The following ATAD3B variants were observed in gnomAD, a reference collection of about 807,000 sequenced individuals.
ATAD3B encodes the protein ATPase family AAA domain containing 3B.
Under a neutral mutation model 70.2 loss-of-function variants are expected in ATAD3B, and 59 were observed. The observed-to-expected ratio is 0.84, with a 90% confidence interval of 0.68 to 1.04. The LOEUF (loss-of-function observed/expected upper bound fraction) is 1.04. Among genes scored for constraint, ATAD3B ranks in the 50% least tolerant of loss-of-function variants. The pLI is 0.00. For synonymous variants in ATAD3B, 423 were observed against 388.6 expected, an observed-to-expected ratio of 1.09 and a Z score of -1.04; for missense variants, 961 against 913.4, an observed-to-expected ratio of 1.05 and a Z score of -0.67.
chr1:1,500,896 A>T (rs867723534), downstream of ATAD3B, among the ~76,000 whole-genome samples: 1 of 151,436 alleles, frequency 6.6e-6, no homozygotes, highest in Non-Finnish European at 1.5e-5. Context: ...GGCGGAGCTT[A>T]CAGTGAGCCG....
intron 4 of ATAD3B, among the ~76,000 whole-genome samples, chr1:1,479,998 A>C (rs1570215324): frequency 7.3e-6 from 1 of 136,632 alleles, no homozygotes; most frequent in South Asian, 2.4e-4. Context: ...ACACACGCAC[A>C]CCCCCTCACA....
rs1456567821 is a variant in ATAD3B at position 1,477,364 on chromosome 1, G to T, written c.282+14G>T. 3.7e-6 allele frequency: 6 copies of T among 1,611,892 alleles called. No homozygotes were observed. In the South Asian group the frequency reaches 6.6e-5, roughly 18 times the overall value. The stretch of plus-strand genomic sequence containing the variant: ...TCCAAGCTCAAAGTGAGTGGGGCCG[G>T]TGTGGGCGAGGAGGCCGGGGCGCAC... On this transcript the variant is annotated intron_variant, in intron 2 of 15. Coordinates refer to ENST00000673477, the MANE Select transcript of ATAD3B (RefSeq NM_031921.6).
chr1:1,486,762 T>C, intron 11 of ATAD3B, 94 bp downstream of exon 11: 3 of 1,483,586 alleles, frequency 2.0e-6, no homozygotes, highest in Non-Finnish European at 1.8e-6. Flanking sequence ...GGGGACCCTG[T>C]CTTTCTGCAG....
intron 7 of ATAD3B, 165 bp from the exon 8 acceptor site, chr1:1,484,851 T>C: frequency 7.1e-7 from 1 of 1,411,552 alleles, no homozygotes; most frequent in Non-Finnish European, 9.3e-7. Context: ...TGTAACCGCG[T>C]GGCTGTGGGA....
At chr1:1,478,842 T>G in intron 3 of ATAD3B, 97 bp downstream of exon 3, 2 of 1,008,536 alleles carry the variant, frequency 2.0e-6, no homozygotes, top group Non-Finnish European at 1.4e-6. Context: ...CACTCTGGAG[T>G]CAGCCATTAG....
chr1:1,494,893 A>T (rs1437962119), intron 15 of ATAD3B, among the ~76,000 whole-genome samples: 1 of 151,948 alleles, frequency 6.6e-6, no homozygotes. Flanking sequence ...GCTGGCACTG[A>T]GATGGAGAGC....
At chr1:1,507,696 G>T in the ATAD3B span, among the ~76,000 whole-genome samples, 1 of 152,156 alleles carries the variant, frequency 6.6e-6, no homozygotes, top group Non-Finnish European at 1.5e-5. Context: ...GGTACTGCTG[G>T]CTTCCTAGGA....
At position 1,490,652 on chromosome 1, in the gene ATAD3B, A is replaced by G. The variant is rs775993546; in HGVS notation, c.1595A>G (p.Gln532Arg). 7 of 1,597,422 alleles carry G rather than the reference A, an allele frequency of 4.4e-6. No homozygotes were observed. In the South Asian group the frequency reaches 4.5e-5, roughly 10 times the overall value. The change falls in exon 15 of 16, where the codon CAG (glutamine) becomes CGG (arginine). Residue 532 changes from glutamine (Q) to arginine (R), a missense_variant. Gln to Arg is a conservative substitution (Grantham distance 43, BLOSUM62 1). Around this residue, in one of 4 missense-constraint regions of ATAD3B, gnomAD observed 417 missense variants for 335.0 expected, o/e 1.24. Coordinates refer to ENST00000673477, the MANE Select transcript of ATAD3B (RefSeq NM_031921.6). ...TEGMSGREIA[Q>R]LAVSWQATAY... ...GGCATGTCGGGCCGGGAGATCGCTC[A>G]GCTGGCCGTGTCCTGGCAGGTGAGT...
chr1:1,482,518 C>T (rs1418021610), intron 6 of ATAD3B, 27 bp from the exon 7 acceptor site: 7 of 1,613,340 alleles, frequency 4.3e-6, no homozygotes, highest in Non-Finnish European at 5.9e-6. Flanking sequence ...CGTGTCCTTC[C>T]TGGTCACACC....
chr1:1,486,370 C>G, intron 10 of ATAD3B, 135 bp downstream of exon 10: 1 of 1,561,708 alleles, frequency 6.4e-7, no homozygotes, highest in Non-Finnish European at 8.6e-7. Context: ...GCTCAGGGTG[C>G]TGGTGTGGGC....
At chr1:1,494,553 G>T (rs113541864) in intron 15 of ATAD3B, among the ~76,000 whole-genome samples, 1 of 151,622 alleles carries the variant, frequency 6.6e-6, no homozygotes, top group Non-Finnish European at 1.5e-5. Context: ...GGCTCCGGTC[G>T]GTGTCTCCCC....
At chr1:1,472,622 T>C (rs1157499630) in intron 1 of ATAD3B, among the ~76,000 whole-genome samples, 3 of 152,120 alleles carry the variant, frequency 2.0e-5, no homozygotes, top group Non-Finnish European at 2.9e-5. Flanking sequence ...CTGCTCAGCT[T>C]GAGTAAACCC....
intron 1 of ATAD3B, among the ~76,000 whole-genome samples, chr1:1,475,567 C>T (rs935178428): frequency 7.2e-5 from 11 of 151,998 alleles, no homozygotes; most frequent in East Asian, 5.8e-4. Context: ...CATGCCGCCT[C>T]GTTCCCAGAG....
rs376567838 is a variant in ATAD3B, at chr1:1,485,097, C to T, written c.832C>T (p.Arg278Trp). The change falls in exon 8 of 16, where the codon CGG (arginine) becomes TGG (tryptophan). Residue 278 changes from arginine (R) to tryptophan (W), a missense_variant. Transcript: ENST00000673477. ...CGTCACTGGCCGCTTCATCGAGGCTCGGCTGGGGAAGCCGTCCCTAGTGAG... is the reference window on the plus strand; with the variant it reads ...CGTCACTGGCCGCTTCATCGAGGCTTGGCTGGGGAAGCCGTCCCTAGTGAG... ...TAVTGRFIEA[R>W]LGKPSLVRET... is the part of the protein sequence containing the mutation. 3.0e-5 allele frequency: 49 copies of T among 1,610,250 alleles called. No individual in the cohort carries two copies. The highest frequency in any genetic ancestry group is 1.1e-4 in the East Asian group (5 of 44,858).
At chr1:1,509,109 C>A in the ATAD3B span, 2 of 1,484,240 alleles carry the variant, frequency 1.3e-6, no homozygotes, top group African/African-American at 2.8e-5. Context: ...ATCCTGGAGC[C>A]CCTGGTTTGG....
At position 1,485,139 on chromosome 1, in the gene ATAD3B, A is replaced by G. The variant is rs1406814355; in HGVS notation, c.874A>G (p.Thr292Ala). The stretch of plus-strand genomic sequence containing the variant: ...CCTAGTGAGGGAGACGTCCCGCATC[A>G]CGGTGCTGGAGGCGCTGCGGCACCC... ...PSLVRETSRI[T>A]VLEALRHPIQ... is the part of the protein sequence containing the mutation. The change falls in exon 8 of 16, where the codon ACG (threonine) becomes GCG (alanine). Residue 292 changes from threonine (T) to alanine (A), a missense_variant. Thr to Ala is a moderately conservative substitution (Grantham distance 58). This residue lies in a region of ATAD3B where 349 missense variants were observed against 307.5 expected (regional missense o/e 1.14). Transcript: ENST00000673477. 1.7e-5 allele frequency: 28 copies of G among 1,610,362 alleles called. No homozygotes were observed. In the East Asian group the frequency reaches 5.8e-4, roughly 33 times the overall value.
chr1:1,498,542 G>A (rs534260610), downstream of ATAD3B, among the ~76,000 whole-genome samples: 3 of 151,808 alleles, frequency 2.0e-5, no homozygotes, highest in African/African-American at 7.3e-5. Flanking sequence ...GGTGGGTGGG[G>A]GTACAGCTGG....
chr1:1,482,427 CT>C lies in ATAD3B; in HGVS notation c.681-117del, dbSNP rs1639967083. The C allele has an allele frequency of 8.2e-6, 13 of 1,588,774 alleles. 1 individual carries two copies. In the South Asian group the frequency reaches 1.5e-4, roughly 18 times the overall value. On this transcript the variant is annotated intron_variant, in intron 6 of 15. Transcript: ENST00000673477. ...ATAGGCTGACTCCTTGGTGGGGGCACTGCCCCTCTGTCCTGGCAAGGCCGTG... is the reference window on the plus strand; with the variant it reads ...ATAGGCTGACTCCTTGGTGGGGGCACGCCCCTCTGTCCTGGCAAGGCCGTG...
chr1:1,486,181 C>T lies in ATAD3B; in HGVS notation c.1035C>T (p.Tyr345=). ...ACACCAAGAAGAACCGGGGCCTGTA[C>T]AGGCACATCCTGCTGTATGGGCCAC... ...TRNTKKNRGL[Y]RHILLYGPPG... Residue 345 remains tyrosine (Y), a synonymous_variant, in exon 10 of 16, where the codon TAC becomes TAT. Coordinates refer to ENST00000673477, the MANE Select transcript of ATAD3B (RefSeq NM_031921.6). The T allele has an allele frequency of 6.2e-7, 1 of 1,613,270 alleles. No individual in the cohort carries two copies. Among genetic ancestry groups the T allele is most frequent in the Non-Finnish European group, 8.5e-7 (1 of 1,179,672 alleles).
Sources: gnomAD v4.1 joint callset for allele counts (sites outside exome capture counted in the v4.1 genomes callset) on GRCh38, gnomAD v4.1.1 for gene constraint, gnomAD v4.1.1 regional missense constraint, MANE v1.5 for transcripts, NCBI Gene and HGNC (gene_info 2026-07-23, HGNC 2026-07-21) for gene names.